The following CYB5R1 variants were observed in gnomAD, a reference collection of about 807,000 sequenced individuals.
CYB5R1 encodes the protein NADH-cytochrome b5 reductase 1.
A neutral mutation model predicts 37.4 loss-of-function variants in CYB5R1; 32 were observed. The observed-to-expected ratio is 0.86, with a 90% CI of 0.65 to 1.15. CYB5R1 has a LOEUF of 1.15. CYB5R1 is among the 50% of genes most tolerant of loss of function. CYB5R1 has a pLI of 0.00. For synonymous variants in CYB5R1, 159 were observed against 155.2 expected (o/e 1.02, Z -0.18); for missense variants, 345 against 382.5 (o/e 0.90, Z 0.82).
chr1:202,966,119 A>G, intron 3 of CYB5R1, 126 bp from the exon 4 acceptor site: 2 of 700,534 alleles, frequency 2.9e-6, no homozygotes, highest in East Asian at 2.7e-5. Flanking sequence ...GCTACAAGGC[A>G]GGGAAGATTT....
chr1:202,967,157 T>C, intron 1 of CYB5R1, 34 bp downstream of exon 1: 1 of 1,601,350 alleles, frequency 6.2e-7, no homozygotes, highest in Non-Finnish European at 8.5e-7. Flanking sequence ...TGGGGAGGGG[T>C]CCCCCAGTGG....
Position 202,966,822 on chromosome 1 carries a change from C to A in CYB5R1, c.92G>T (p.Arg31Leu), listed in dbSNP as rs773382094. Residue 31 changes from arginine to leucine, a missense_variant, in exon 2 of 9, where the codon CGG becomes CTG. By Grantham distance (102) the Arg-to-Leu change is moderately radical. Transcript: ENST00000367249. ...LGLAVGSYLV[R>L]RSRRPQVTLL... ...AGTGACCTGAGGCCGGCGGGACCTC[C>A]GAACCAAGTAGGAGCCCACAGCCAG... 4.3e-6 allele frequency: 7 copies of A among 1,614,020 alleles called. No homozygotes were observed. Among genetic ancestry groups the A allele is most frequent in the Non-Finnish European group, 5.9e-6 (7 of 1,180,008 alleles).
rs1655036435 is a variant in CYB5R1, at chr1:202,963,643, T to C, written c.644A>G (p.Gln215Arg). 1 of 1,603,712 alleles carries C rather than the reference T, an allele frequency of 6.2e-7. No homozygotes were observed. The highest frequency in any genetic ancestry group is 1.3e-5 in the African/African-American group (1 of 74,666). The change falls in exon 7 of 9, where the codon CAG (glutamine) becomes CGG (arginine). Residue 215 changes from glutamine (Q) to arginine (R), a missense_variant and splice_region_variant. Physicochemically the swap from Gln to Arg is conservative, Grantham distance 43 (BLOSUM62 1). Transcript: ENST00000367249. ...PTQCFLLFAN[Q>R]TEKDIILRED... Reference sequence around the variant, plus strand: ...TAGGGTGGAGGAAAACAAACCAACCTGGTTGGCAAAAAGCAGAAAGCACTG... The same window carrying C: ...TAGGGTGGAGGAAAACAAACCAACCCGGTTGGCAAAAAGCAGAAAGCACTG...
chr1:202,967,041 C>A, intron 1 of CYB5R1, 143 bp from the exon 2 acceptor site: 10 of 1,426,748 alleles, frequency 7.0e-6, no homozygotes, highest in Non-Finnish European at 9.5e-6. Context: ...GTCCCGAGCC[C>A]GGATGTGCGG....
At position 202,966,941 on chromosome 1, in the gene CYB5R1, G is replaced by T. The variant is rs780072508; in HGVS notation, c.16-43C>A. On this transcript the variant is annotated intron_variant, in intron 1 of 8. Transcript: ENST00000367249. The stretch of plus-strand genomic sequence containing the variant: ...AGCGTGACCGCCAGGCTGGGTAAGA[G>T]CCCGGGGCTTGGGTGGTGACCGTCC... 11 of 1,555,978 alleles carry T rather than the reference G, an allele frequency of 7.1e-6. No homozygotes were observed. In the South Asian group the frequency reaches 1.3e-4, roughly 18 times the overall value.
In CYB5R1 at chr1:202,962,557, GC is replaced by G. The variant is rs1223621138; in HGVS notation, c.887del (p.Gly296AlafsTer63). ...AGGTGAATCGCATCTTTTGTGAGTA[GC>G]CCAGTTTGTCCAAGTTGGGATGGCA... The part of the protein sequence containing the change: ...LACHPNLDKL[G>X]YSQKMRFTY On this transcript the variant is annotated frameshift_variant, in exon 9 of 9. Transcript: ENST00000367249. LOFTEE classifies it high-confidence loss of function. 1.9e-6 allele frequency: 3 copies of G among 1,612,898 alleles called. No homozygotes were observed. The highest frequency in any genetic ancestry group is 2.5e-6 in the Non-Finnish European group (3 of 1,179,550).
chr1:202,964,487 C>T, intron 6 of CYB5R1, 125 bp downstream of exon 6: 1 of 829,674 alleles, frequency 1.2e-6, no homozygotes, highest in Non-Finnish European at 2.1e-6. Context: ...GAGTTCTAAG[C>T]ATTGCTGGAA....
Position 202,965,488 on chromosome 1 carries a change from C to G in CYB5R1, c.358G>C (p.Gly120Arg). The change falls in exon 5 of 9, where the codon GGT becomes CGT. Residue 120 changes from glycine (G) to arginine (R), a missense_variant. Transcript: ENST00000367249. The part of the protein sequence containing the change: ...VDLVIKVYLK[G>R]VHPKFPEGGK... ...CCCTCAGGAAATTTGGGGTGCACAC[C>G]CTTCAGGTAGACCTTACAAGACAGA... 1 of 1,595,120 alleles carries G rather than the reference C, an allele frequency of 6.3e-7. No homozygotes were observed. The highest frequency in any genetic ancestry group is 8.5e-7 in the Non-Finnish European group (1 of 1,172,018).
chr1:202,967,103 G>C (rs1159190810), intron 1 of CYB5R1, 88 bp downstream of exon 1: 8 of 1,520,756 alleles, frequency 5.3e-6, no homozygotes, highest in Middle Eastern at 2.1e-4. Context: ...GGGCGGGGTC[G>C]GCAGCGACAG....
At position 202,962,937 on chromosome 1, in the gene CYB5R1, G is replaced by A. The variant is rs1207099397; in HGVS notation, c.745+129C>T. ...AAGGGACCAGGAGATCACTGTGTCT[G>A]TGCACTCAGACTTCCGAGTTGGCAG... On this transcript the variant is annotated intron_variant, in intron 8 of 8. Transcript: ENST00000367249. 5.1e-6 allele frequency: 5 copies of A among 989,472 alleles called. No homozygotes were observed. In the African/African-American group the frequency reaches 8.0e-5, roughly 16 times the overall value. The allele number at this position is 989,472 out of a possible 1,614,324, so 61.3% of individuals were successfully genotyped here.
Position 202,967,228 on chromosome 1 carries a change from C to T in CYB5R1, c.-23G>A, listed in dbSNP as rs576550492. 8 of 1,610,036 alleles carry T rather than the reference C, an allele frequency of 5.0e-6. No homozygotes were observed. The African/African-American group carries it at 1.1e-4, about 22-fold the overall frequency. On this transcript the variant is annotated 5_prime_UTR_variant, in exon 1 of 9. Coordinates refer to ENST00000367249, the MANE Select transcript of CYB5R1 (RefSeq NM_016243.3). ...CATGACGGAGCGCCTTTTCCTCCAC[C>T]ACCTGACAAGCCGACAGATCCCACA...
chr1:202,963,027 A>C (rs778167846), intron 8 of CYB5R1, 39 bp downstream of exon 8: 1 of 1,549,160 alleles, frequency 6.5e-7, no homozygotes, highest in Non-Finnish European at 8.9e-7. Flanking sequence ...GATTTTGACG[A>C]TGAGGGGATA....
intron 5 of CYB5R1, 181 bp downstream of exon 5, chr1:202,965,190 C>T (rs1655060910): frequency 1.5e-6 from 1 of 675,412 alleles, no homozygotes; most frequent in East Asian, 3.0e-5. Flanking sequence ...GGAGGAACTG[C>T]TTCCTGTGGC....
intron 4 of CYB5R1, among the ~76,000 whole-genome samples, 177 bp from the exon 5 acceptor site, chr1:202,965,677 G>A (rs1380051298): frequency 2.0e-5 from 3 of 149,182 alleles, no homozygotes; most frequent in Non-Finnish European, 4.4e-5. Flanking sequence ...TTGCTGCCCA[G>A]GCTTGAGTGC....
At position 202,964,849 on chromosome 1, in the gene CYB5R1, C is replaced by A. The variant is rs1655054963; in HGVS notation, c.476-154G>T. The A allele has an allele frequency of 4.5e-6, 3 of 659,660 alleles. No homozygotes were observed. In the Admixed American group the frequency reaches 6.6e-5, roughly 15 times the overall value. 40.9% of individuals were successfully genotyped at this position (659,660 alleles called of 1,614,324 possible). On this transcript the variant is annotated intron_variant, in intron 5 of 8. Coordinates refer to ENST00000367249, the MANE Select transcript of CYB5R1 (RefSeq NM_016243.3). Reference sequence around the variant, plus strand: ...GGGTGGAAGCTTGAGTTGAGCCAGCCCTGACAATAATATAGTTGAGGGACA... The same window carrying A: ...GGGTGGAAGCTTGAGTTGAGCCAGCACTGACAATAATATAGTTGAGGGACA...
In CYB5R1 at chr1:202,962,021, C is replaced by T. The variant is rs938117584; in HGVS notation, c.*506G>A. On this transcript the variant is annotated 3_prime_UTR_variant, in exon 9 of 9. Coordinates refer to ENST00000367249, the MANE Select transcript of CYB5R1 (RefSeq NM_016243.3). The stretch of plus-strand genomic sequence containing the variant: ...ACACACAGAAATATGATATTTCAGA[C>T]TCCTTTGAGATCTGAAGAAATCATT... The T allele has an allele frequency of 6.6e-6, 1 of 152,338 alleles. No homozygotes were observed. Among genetic ancestry groups the T allele is most frequent in the Non-Finnish European group, 1.5e-5 (1 of 68,120 alleles). The allele number at this position is 152,338 out of a possible 1,614,324, so 9.4% of individuals were successfully genotyped here.
In CYB5R1 at chr1:202,965,499, A is replaced by G. The variant is rs772761478; in HGVS notation, c.347T>C (p.Val116Ala). 9 of 1,574,904 alleles carry G rather than the reference A, an allele frequency of 5.7e-6. No homozygotes were observed. In the African/African-American group the frequency reaches 1.2e-4, roughly 22 times the overall value. The change falls in exon 5 of 9, where the codon GTC (valine) becomes GCC (alanine). Residue 116 changes from valine (V) to alanine (A), a missense_variant and splice_region_variant. Transcript: ENST00000367249. ...TTTGGGGTGCACACCCTTCAGGTAG[A>G]CCTTACAAGACAGAGAGAAAAATAC... ...DQGYVDLVIK[V>A]YLKGVHPKFP...
At chr1:202,967,065 G>A (rs2102505183) in intron 1 of CYB5R1, 126 bp downstream of exon 1, 1 of 1,435,642 alleles carries the variant, frequency 7.0e-7, no homozygotes, top group Non-Finnish European at 9.5e-7. Flanking sequence ...CGGGACCCCA[G>A]CATCCACGGT....
chr1:202,962,678 A>G lies in CYB5R1; in HGVS notation c.767T>C (p.Phe256Ser). Residue 256 changes from phenylalanine to serine, a missense_variant, in exon 9 of 9, where the codon TTT becomes TCT. Transcript: ENST00000367249. ...TTCCCGGATCATGTCGGCAGTCACAAAGCCCTTGCTGTAGGCCCAATCTGA... is the reference window on the plus strand; with the variant it reads ...TTCCCGGATCATGTCGGCAGTCACAGAGCCCTTGCTGTAGGCCCAATCTGA... ...PPKDWAYSKG[F>S]VTADMIREHL... 6.2e-7 allele frequency: 1 copy of G among 1,614,122 alleles called. No homozygotes were observed.
Sources: gnomAD v4.1 joint callset for allele counts (sites outside exome capture counted in the v4.1 genomes callset) on GRCh38, gnomAD v4.1.1 for gene constraint, MANE v1.5 for transcripts, NCBI Gene and HGNC (gene_info 2026-07-23, HGNC 2026-07-21) for gene names.